FRAS1: variants seen among roughly 807,000 people sequenced by gnomAD.
FRAS1 encodes extracellular matrix organizing protein FRAS1.
Under a neutral mutation model 435.2 loss-of-function variants are expected in FRAS1, and 290 were observed. The ratio of observed to expected loss-of-function variants is 0.67; its 90% CI spans 0.61 to 0.73. The LOEUF (loss-of-function observed/expected upper bound fraction) is 0.73, where lower values mean the gene tolerates loss of function less well. Among genes scored for constraint, FRAS1 ranks in the 30% least tolerant of loss-of-function variants. The pLI, the probability that FRAS1 is intolerant of heterozygous loss-of-function variation, is 0.00. For synonymous variants in FRAS1, 1,800 were observed against 1,851.0 expected (o/e 0.97, Z 0.71); for missense variants, 4,860 against 5,001.5 (o/e 0.97, Z 0.85).
In FRAS1 at chr4:78,266,875, A is replaced by C. The variant is rs753417662; in HGVS notation, c.729A>C (p.Ile243=). The part of the protein sequence containing the change: ...QWSENACTTC[I]CDRGEVRCHK... ...GCGAAAATGCCTGCACCACGTGTATATGTGACCGGGGTGAGGTCAGGTGTC... is the reference window on the plus strand; with the variant it reads ...GCGAAAATGCCTGCACCACGTGTATCTGTGACCGGGGTGAGGTCAGGTGTC... Residue 243 remains isoleucine, a synonymous_variant, in exon 8 of 74, where the codon ATA becomes ATC. Coordinates refer to ENST00000512123, the MANE Select transcript of FRAS1 (RefSeq NM_025074.7). 6.8e-6 allele frequency: 11 copies of C among 1,608,434 alleles called. No homozygotes were observed. The East Asian group carries it at 1.8e-4, about 26-fold the overall frequency.
intron 69 of FRAS1, among the ~76,000 whole-genome samples, chr4:78,523,673 TATATC>T (rs1721455164): frequency 1.3e-5 from 2 of 152,224 alleles, no homozygotes; most frequent in African/African-American, 4.8e-5. Flanking sequence ...TTTTTGATCT[TATATC>T]AGATATTTTT....
intron 2 of FRAS1, chr4:78,071,203 T>C (rs758542878): frequency 3.3e-5 from 5 of 152,210 alleles, no homozygotes; most frequent in Non-Finnish European, 7.3e-5. Flanking sequence ...GCTTTGGAGT[T>C]TGAATCTTGG....
At chr4:78,433,597 C>T (rs1734295580) in intron 38 of FRAS1, among the ~76,000 whole-genome samples, 2 of 152,204 alleles carry the variant, frequency 1.3e-5, no homozygotes, top group Admixed American at 1.3e-4. Context: ...CTCAAATGGT[C>T]CTTTCTTCAG....
chr4:78,209,155 A>C (rs910462116), intron 2 of FRAS1, among the ~76,000 whole-genome samples: 9 of 152,214 alleles, frequency 5.9e-5, no homozygotes, highest in Admixed American at 2.6e-4. Flanking sequence ...AAAAAAACAA[A>C]AAAAAAACAA....
At chr4:78,116,895 C>G (rs1281806713) in intron 2 of FRAS1, among the ~76,000 whole-genome samples, 1 of 152,182 alleles carries the variant, frequency 6.6e-6, no homozygotes, top group Non-Finnish European at 1.5e-5. Flanking sequence ...GGTTATTTTG[C>G]TCATTAGTTG....
At chr4:78,248,187 T>C (rs1447014427) in intron 4 of FRAS1, among the ~76,000 whole-genome samples, 1 of 152,116 alleles carries the variant, frequency 6.6e-6, no homozygotes, top group Non-Finnish European at 1.5e-5. Flanking sequence ...GTTGCAAGGG[T>C]TTATTATAGC....
rs1578220648 is a variant in FRAS1, at chr4:78,273,924, G to A, written c.982-4731G>A. Among the ~76,000 whole-genome samples, 3 of 152,266 alleles carry A rather than the reference G, an allele frequency of 2.0e-5. No homozygotes were observed. The South Asian group carries it at 6.2e-4, about 32-fold the overall frequency. ...CTCCTTGTACCTCTGGTAGAATTCG[G>A]CTGTGAATCCATCTGGTCCTGGACT... On this transcript the variant is annotated intron_variant, in intron 9 of 73. Coordinates refer to ENST00000512123, the MANE Select transcript of FRAS1 (RefSeq NM_025074.7).
At chr4:78,321,209 T>G (rs1015918158) in intron 18 of FRAS1, among the ~76,000 whole-genome samples, 1 of 152,188 alleles carries the variant, frequency 6.6e-6, no homozygotes, top group Non-Finnish European at 1.5e-5. Context: ...TCACTTAGTC[T>G]CAATGCCAGC....
intron 9 of FRAS1, among the ~76,000 whole-genome samples, chr4:78,268,783 C>A (rs1435933582): frequency 6.6e-6 from 1 of 152,230 alleles, no homozygotes; most frequent in Non-Finnish European, 1.5e-5. Context: ...GCTATCATGG[C>A]ATGAGCCAGG....
chr4:78,535,712 C>T (rs1398762511), intron 71 of FRAS1, among the ~76,000 whole-genome samples: 1 of 152,190 alleles, frequency 6.6e-6, no homozygotes, highest in East Asian at 1.9e-4. Flanking sequence ...TAGCCCCTAC[C>T]AGGTCTCTGT....
intron 34 of FRAS1, among the ~76,000 whole-genome samples, chr4:78,422,677 C>G (rs1578314586): frequency 6.6e-6 from 1 of 152,240 alleles, no homozygotes; most frequent in South Asian, 2.1e-4. Flanking sequence ...ACCCTCGAAG[C>G]CTGTAAGGAT....
chr4:78,112,730 A>G (rs1742819022), intron 2 of FRAS1, among the ~76,000 whole-genome samples: 1 of 152,058 alleles, frequency 6.6e-6, no homozygotes, highest in Admixed American at 6.6e-5. Flanking sequence ...CTTTTAATAC[A>G]TTTATTATAT....
intron 16 of FRAS1, among the ~76,000 whole-genome samples, chr4:78,316,984 C>A (rs1214240158): frequency 1.3e-5 from 2 of 152,186 alleles, no homozygotes; most frequent in Admixed American, 1.3e-4. Flanking sequence ...GGCTAAATCC[C>A]AGCCCTGCTA....
intron 34 of FRAS1, among the ~76,000 whole-genome samples, chr4:78,424,027 A>G (rs1733903711): frequency 6.6e-6 from 1 of 152,176 alleles, no homozygotes; most frequent in Non-Finnish European, 1.5e-5. Context: ...TCAGTTCTAC[A>G]ATGGAATTGA....
chr4:78,137,427 A>G (rs1392000216), intron 2 of FRAS1, among the ~76,000 whole-genome samples: 2 of 152,234 alleles, frequency 1.3e-5, no homozygotes, highest in African/African-American at 2.4e-5. Context: ...ATAATGAAGG[A>G]AAGAGAATGA....
Position 78,347,825 on chromosome 4 carries a change from T to C in FRAS1, c.2422+10008T>C, listed in dbSNP as rs1247884259. On this transcript the variant is annotated intron_variant, in intron 20 of 73. Coordinates refer to ENST00000512123, the MANE Select transcript of FRAS1 (RefSeq NM_025074.7). ...TTTTTTGGTCATCCCTTCCTAAGCA[T>C]CTTGAGAGAAGGATTGAAGTCTGAT... Among the ~76,000 whole-genome samples the C allele has an allele frequency of 4.1e-5, 6 of 147,546 alleles. No homozygotes were observed. In the Admixed American group the frequency reaches 4.1e-4, roughly 10 times the overall value.
At chr4:78,465,266 G>A (rs112274870) in intron 49 of FRAS1, among the ~76,000 whole-genome samples, 5 of 152,308 alleles carry the variant, frequency 3.3e-5, no homozygotes, top group African/African-American at 1.2e-4. Flanking sequence ...AGACAGGGCT[G>A]TAACAAAACA....
chr4:78,489,103 A>G (rs954413679), intron 59 of FRAS1, 23 bp downstream of exon 59: 3 of 1,588,816 alleles, frequency 1.9e-6, no homozygotes, highest in Middle Eastern at 3.3e-4. Flanking sequence ...GTGGTGGCTG[A>G]AAGATGAGAT....
intron 19 of FRAS1, 130 bp from the exon 20 acceptor site, chr4:78,337,544 C>A (rs1730217840): frequency 2.7e-6 from 3 of 1,113,068 alleles, no homozygotes; most frequent in South Asian, 1.5e-5. Flanking sequence ...GCCCGGCTTG[C>A]TCAGGAATCT....
Sources: allele counts gnomAD v4.1 joint callset (sites outside exome capture counted in the v4.1 genomes callset), GRCh38; gene constraint gnomAD v4.1.1; transcripts MANE v1.5; gene names NCBI Gene and HGNC (gene_info 2026-07-23, HGNC 2026-07-21).